Variants in RUSF1 observed in about 807,000 individuals in gnomAD.
The protein encoded by RUSF1 is RUS family member 1.
RUSF1 carries 58 observed loss-of-function variants against 63.0 expected under a neutral mutation model. The ratio of observed to expected loss-of-function variants is 0.92; its 90% CI spans 0.75 to 1.15. RUSF1 has a LOEUF of 1.15. Ranked by LOEUF, RUSF1 falls within the 50% of genes most tolerant of loss-of-function variation. RUSF1 has a pLI of 0.00. For synonymous variants in RUSF1, 274 were observed against 255.8 expected (o/e 1.07, Z -0.68); for missense variants, 652 against 611.0 (o/e 1.07, Z -0.71).
intron 2 of RUSF1, among the ~76,000 whole-genome samples, chr16:31,505,172 A>G (rs1353668108): frequency 3.3e-5 from 5 of 151,988 alleles, no homozygotes; most frequent in Non-Finnish European, 7.4e-5. Context: ...CTGCTCTGCT[A>G]CTCTGCTACA....
In RUSF1 at chr16:31,499,378, G is replaced by C; in HGVS notation, c.524C>G (p.Ala175Gly). Reference protein sequence around the residue: ...RLFADILNDVAMFLEIMAPVY... With the variant: ...RLFADILNDVGMFLEIMAPVY... ...AGGAGCCATAATCTCAAGGAACATGGCTACGTCATTGAGGATGTCCGCAAA... is the reference window on the plus strand; with the variant it reads ...AGGAGCCATAATCTCAAGGAACATGCCTACGTCATTGAGGATGTCCGCAAA... The change falls in exon 5 of 13, where the codon GCC becomes GGC. Residue 175 changes from alanine to glycine, a missense_variant. Ala to Gly is a moderately conservative substitution (Grantham distance 60). Transcript: ENST00000327237. 1.2e-6 allele frequency: 2 copies of C among 1,613,978 alleles called. No homozygotes were observed. Among genetic ancestry groups the C allele is most frequent in the South Asian group, 1.1e-5 (1 of 91,070 alleles).
chr16:31,490,202 G>A lies in RUSF1; in HGVS notation c.*633C>T, dbSNP rs1414475040. On this transcript the variant is annotated 3_prime_UTR_variant, in exon 13 of 13. Transcript: ENST00000327237. ...GCTCCTCACTCCCTGTACAGAATGG[G>A]TGCCCAGAGAGTGCCATGGAGATGA... 4 of 1,614,214 alleles carry A rather than the reference G, an allele frequency of 2.5e-6. No individual in the cohort carries two copies. Among genetic ancestry groups the A allele is most frequent in the Non-Finnish European group, 3.4e-6 (4 of 1,180,038 alleles).
rs760505377 is a variant in RUSF1, at chr16:31,493,066, G to A, written c.1017-18C>T. On this transcript the variant is annotated intron_variant, in intron 9 of 12. Coordinates refer to ENST00000327237, the MANE Select transcript of RUSF1 (RefSeq NM_022744.4). The stretch of plus-strand genomic sequence containing the variant: ...CAAAGACACTGTGGGGGAGAGGACA[G>A]TGCAGTGGGGGTGGAGGACAGCAAA... 1 of 1,612,780 alleles carries A rather than the reference G, an allele frequency of 6.2e-7. No individual in the cohort carries two copies. Among genetic ancestry groups the A allele is most frequent in the South Asian group, 1.1e-5 (1 of 90,948 alleles).
rs768270732 is a variant in RUSF1, at chr16:31,490,142, G to A, written c.*693C>T. 16 of 1,614,166 alleles carry A rather than the reference G, an allele frequency of 9.9e-6. No individual in the cohort carries two copies. In the Admixed American group the frequency reaches 2.3e-4, roughly 24 times the overall value. The stretch of plus-strand genomic sequence containing the variant: ...TCTTCAGTCTCCGGCATAGCAAGGA[G>A]GAACGGGAGGACCTGGATGCTGATG... On this transcript the variant is annotated 3_prime_UTR_variant, in exon 13 of 13. Transcript: ENST00000327237.
At chr16:31,494,787 C>T (rs116220123) in intron 6 of RUSF1, among the ~76,000 whole-genome samples, 3,042 of 151,792 alleles carry the variant, frequency 0.02, 103 homozygotes, top group African/African-American at 0.07. Context: ...TCATAACTCA[C>T]AGCCACCTCA....
chr16:31,500,458 G>A (rs1028799649), intron 3 of RUSF1, among the ~76,000 whole-genome samples: 6 of 152,186 alleles, frequency 3.9e-5, no homozygotes, highest in African/African-American at 1.2e-4. Context: ...CTACAGAGTT[G>A]CTGTAAGGAT....
Position 31,493,801 on chromosome 16 carries a change from G to A in RUSF1, c.774-14C>T, listed in dbSNP as rs1372822696. 2.5e-6 allele frequency: 4 copies of A among 1,614,100 alleles called. No homozygotes were observed. Among genetic ancestry groups the A allele is most frequent in the African/African-American group, 2.7e-5 (2 of 74,946 alleles). ...CCAAGGCTGAAGCTGGGGTGAGAGA[G>A]TGAGGTAGCTGAAGTGGGCAGAGGC... is the stretch of plus-strand genomic sequence containing the variant. On this transcript the variant is annotated splice_polypyrimidine_tract_variant and intron_variant, in intron 7 of 12. Coordinates refer to ENST00000327237, the MANE Select transcript of RUSF1 (RefSeq NM_022744.4).
At chr16:31,504,730 G>T (rs2082649669) in intron 2 of RUSF1, among the ~76,000 whole-genome samples, 4 of 152,204 alleles carry the variant, frequency 2.6e-5, no homozygotes, top group Admixed American at 2.0e-4. Context: ...GACTGTTACT[G>T]TGTCTATGTA....
chr16:31,495,043 A>G (rs1297396639), intron 6 of RUSF1, among the ~76,000 whole-genome samples: 3 of 152,148 alleles, frequency 2.0e-5, no homozygotes, highest in African/African-American at 4.8e-5. Context: ...ACTGGCAGAT[A>G]GATTTGCAAA....
Position 31,490,395 on chromosome 16 carries a change from C to A in RUSF1, c.*440G>T. On this transcript the variant is annotated 3_prime_UTR_variant, in exon 13 of 13. Transcript: ENST00000327237. ...CAGAGGTGGGGTGGGCAGTCCTCCG[C>A]CCCTTACCCAGGAGGAGGCAGCGGC... is the stretch of plus-strand genomic sequence containing the variant. The A allele has an allele frequency of 6.2e-7, 1 of 1,613,550 alleles. No individual in the cohort carries two copies. Among genetic ancestry groups the A allele is most frequent in the Non-Finnish European group, 8.5e-7 (1 of 1,179,846 alleles).
In RUSF1 at chr16:31,489,625, T is replaced by C. The variant is rs1239559046; in HGVS notation, c.*1210A>G. On this transcript the variant is annotated 3_prime_UTR_variant, in exon 13 of 13. Coordinates refer to ENST00000327237, the MANE Select transcript of RUSF1 (RefSeq NM_022744.4). ...CACAGGATCTGACTGGTGGGCACAA[T>C]ACCATCTTGAACGCCCACAAAAAGG... 1.3e-5 allele frequency: 7 copies of C among 552,800 alleles called. No homozygotes were observed. Among genetic ancestry groups the C allele is most frequent in the Non-Finnish European group, 2.0e-5 (6 of 307,482 alleles). The allele number at this position is 552,800 out of a possible 1,614,324, so 34.2% of individuals were successfully genotyped here.
intron 2 of RUSF1, among the ~76,000 whole-genome samples, chr16:31,501,303 T>C (rs2082631726): frequency 6.6e-6 from 1 of 151,994 alleles, no homozygotes; most frequent in African/African-American, 2.4e-5. Context: ...TAAAAGGATT[T>C]AGGCTGGGTA....
chr16:31,492,066 C>G lies in RUSF1; in HGVS notation c.1252G>C (p.Val418Leu). The change falls in exon 12 of 13, where the codon GTC becomes CTC. Residue 418 changes from valine to leucine, a missense_variant. Val to Leu is a conservative substitution (Grantham distance 32). Transcript: ENST00000327237. ...ACTTCGTGTGTCTCCTTGACGACGA[C>G]CCAGCTCTCTTTCTTAGGACCTGGG... ...VRAGPKKESW[V>L]VVKETHEVLD... 7.4e-6 allele frequency: 12 copies of G among 1,614,208 alleles called. No individual in the cohort carries two copies. Among genetic ancestry groups the G allele is most frequent in the Non-Finnish European group, 1.0e-5 (12 of 1,180,012 alleles).
At chr16:31,506,031 T>C (rs1164079928) in intron 2 of RUSF1, among the ~76,000 whole-genome samples, 2 of 152,200 alleles carry the variant, frequency 1.3e-5, no homozygotes, top group Non-Finnish European at 2.9e-5. Flanking sequence ...TGGTATATCA[T>C]GTTTTATACT....
rs201744362 is a variant in RUSF1 at position 31,493,684 on chromosome 16, G to T, written c.877C>A (p.Arg293=). The T allele has an allele frequency of 1.3e-5, 21 of 1,614,258 alleles. No homozygotes were observed. Among genetic ancestry groups the T allele is most frequent in the Non-Finnish European group, 1.8e-5 (21 of 1,180,040 alleles). Residue 293 remains arginine (R), a synonymous_variant, in exon 8 of 13, where the codon CGG becomes AGG. Transcript: ENST00000327237. ...VMETLNEGRL[R]LVLKHYLQRG... ...TGAAGGTAGTGCTTCAGGACCAGCC[G>T]GAGCCGGCCTTCGTTCAAGGTCTCC...
At position 31,508,264 on chromosome 16, in the gene RUSF1, C is replaced by G. The variant is rs565043592; in HGVS notation, c.110G>C (p.Gly37Ala). The G allele has an allele frequency of 1.9e-6, 3 of 1,567,250 alleles. No individual in the cohort carries two copies. The East Asian group carries it at 7.1e-5, about 37-fold the overall frequency. The change falls in exon 1 of 13, where the codon GGG becomes GCG. Residue 37 changes from glycine (G) to alanine (A), a missense_variant. Coordinates refer to ENST00000327237, the MANE Select transcript of RUSF1 (RefSeq NM_022744.4). ...AADGSLQWEVGGWRWWGLSRA... is the reference protein window; with the variant it reads ...AADGSLQWEVAGWRWWGLSRA... ...GGAGAGCCCCCACCAGCGCCAGCCCCCGACCTCCCACTGCAGGCTCCCGTC... is the reference window on the plus strand; with the variant it reads ...GGAGAGCCCCCACCAGCGCCAGCCCGCGACCTCCCACTGCAGGCTCCCGTC...
In RUSF1 at chr16:31,508,278, C is replaced by G. The variant is rs774200681; in HGVS notation, c.96G>C (p.Leu32=). The G allele has an allele frequency of 5.7e-6, 9 of 1,572,260 alleles. No individual in the cohort carries two copies. The African/African-American group carries it at 1.2e-4, about 21-fold the overall frequency. ...AGCGCCAGCCCCCGACCTCCCACTG[C>G]AGGCTCCCGTCCGCGGCGGCGCGGC... ...RGCRAAADGS[L]QWEVGGWRWW... is the part of the protein sequence containing the mutation. Residue 32 remains leucine, a synonymous_variant, in exon 1 of 13, where the codon CTG becomes CTC. Transcript: ENST00000327237.
At chr16:31,505,921 T>G (rs1474386143) in intron 2 of RUSF1, among the ~76,000 whole-genome samples, 1 of 152,208 alleles carries the variant, frequency 6.6e-6, no homozygotes, top group Non-Finnish European at 1.5e-5. Context: ...CAGCCTGCCG[T>G]TTTTGTTGCT....
chr16:31,490,096 C>G lies in RUSF1; in HGVS notation c.*739G>C. ...CTCCCACCTCGTTCGTGCTCCCACC[C>G]TCCCCAGCTCCACCGCCTGGTCTTC... On this transcript the variant is annotated 3_prime_UTR_variant, in exon 13 of 13. Transcript: ENST00000327237. 1 of 1,613,456 alleles carries G rather than the reference C, an allele frequency of 6.2e-7. No individual in the cohort carries two copies. Among genetic ancestry groups the G allele is most frequent in the Non-Finnish European group, 8.5e-7 (1 of 1,179,990 alleles).
Sources: gnomAD v4.1 joint callset for allele counts (sites outside exome capture counted in the v4.1 genomes callset) on GRCh38, gnomAD v4.1.1 for gene constraint, MANE v1.5 for transcripts, NCBI Gene and HGNC (gene_info 2026-07-23, HGNC 2026-07-21) for gene names.